The following CHRNA9 variants were observed in gnomAD, a reference collection of about 807,000 sequenced individuals.
CHRNA9 encodes cholinergic receptor nicotinic alpha 9 subunit.
In CHRNA9, 24 loss-of-function variants were observed where a neutral mutation model predicts 36.8. That is an observed-to-expected ratio of 0.65 (90% confidence interval 0.47 to 0.92). The LOEUF (loss-of-function observed/expected upper bound fraction) is 0.92. CHRNA9 is among the 40% of genes least tolerant of loss of function. The probability of loss-of-function intolerance (pLI) is 0.00; values close to 1 mark genes in which losing one functional copy is unlikely to be tolerated. For missense variants in CHRNA9, 610 were observed against 601.2 expected (o/e 1.01, Z -0.15); for synonymous variants, 231 against 231.8 (o/e 1.00, Z 0.03).
intron 3 of CHRNA9, among the ~76,000 whole-genome samples, chr4:40,343,414 G>A (rs1712555118): frequency 6.6e-6 from 1 of 152,194 alleles, no homozygotes; most frequent in Admixed American, 6.5e-5. Flanking sequence ...GAGAGAATGT[G>A]CAGGGGAACT....
chr4:40,343,578 T>C (rs1023731502), intron 3 of CHRNA9, among the ~76,000 whole-genome samples: 2 of 152,128 alleles, frequency 1.3e-5, no homozygotes, highest in Non-Finnish European at 2.9e-5. Context: ...GAGATTTGGG[T>C]GGGGACACAG....
chr4:40,348,796 G>A (rs1376502125), intron 3 of CHRNA9, 86 bp from the exon 4 acceptor site: 4 of 1,337,940 alleles, frequency 3.0e-6, no homozygotes, highest in East Asian at 4.6e-5. Context: ...AAACACTGAA[G>A]TGATGGGGAC....
chr4:40,336,852 A>G (rs1239080242), intron 2 of CHRNA9, among the ~76,000 whole-genome samples: 2 of 152,210 alleles, frequency 1.3e-5, no homozygotes, highest in African/African-American at 4.8e-5. Flanking sequence ...GTTTAATTAC[A>G]CAATGTTATG....
intron 4 of CHRNA9, among the ~76,000 whole-genome samples, chr4:40,352,500 C>T (rs1048856497): frequency 4.6e-5 from 7 of 152,208 alleles, no homozygotes; most frequent in African/African-American, 7.2e-5. Context: ...GCTGGGATTA[C>T]AGGTGTGAGC....
rs763255413 is a variant in CHRNA9 at position 40,337,225 on chromosome 4, A to T, written c.226A>T (p.Ile76Phe). Reference protein sequence around the residue: ...QIKDMDERNQILTAYLWIRQI... With the variant: ...QIKDMDERNQFLTAYLWIRQI... ...CATTGTGTAGGATGAAAGAAACCAA[A>T]TTCTGACTGCTTATTTGTGGATCCG... Residue 76 changes from isoleucine (I) to phenylalanine (F), a missense_variant, in exon 3 of 5, where the codon ATT becomes TTT. Ile to Phe is a conservative substitution (Grantham distance 21). Transcript: ENST00000310169. 5 of 1,614,188 alleles carry T rather than the reference A, an allele frequency of 3.1e-6. No homozygotes were observed. The highest frequency in any genetic ancestry group is 4.2e-6 in the Non-Finnish European group (5 of 1,180,020).
rs148532029 is a variant in CHRNA9 at position 40,354,367 on chromosome 4, G to A, written c.1287G>A (p.Glu429=). ...AQYKVLTRNI[E]YIAKCLKDHK... ...ACAAAGTGCTGACGAGGAATATTGAGTACATCGCCAAGTGCCTCAAAGACC... is the reference window on the plus strand; with the variant it reads ...ACAAAGTGCTGACGAGGAATATTGAATACATCGCCAAGTGCCTCAAAGACC... The change falls in exon 5 of 5, where the codon GAG becomes GAA. Residue 429 remains glutamate (E), a synonymous_variant. Coordinates refer to ENST00000310169, the MANE Select transcript of CHRNA9 (RefSeq NM_017581.4). 8 of 1,614,076 alleles carry A rather than the reference G, an allele frequency of 5.0e-6. No individual in the cohort carries two copies. Among genetic ancestry groups the A allele is most frequent in the Non-Finnish European group, 6.8e-6 (8 of 1,180,042 alleles).
intron 3 of CHRNA9, among the ~76,000 whole-genome samples, chr4:40,338,862 C>G (rs963163952): frequency 4.2e-5 from 5 of 118,764 alleles, no homozygotes; most frequent in South Asian, 3.1e-4. Context: ...GTCTCTCTCT[C>G]TCTCTGTCTC....
intron 3 of CHRNA9, chr4:40,347,659 C>T (rs1437316370): frequency 1.3e-5 from 2 of 152,008 alleles, no homozygotes; most frequent in East Asian, 3.9e-4. Context: ...TACCCTTCAC[C>T]CAGTTTCCCC....
At chr4:40,342,900 C>T (rs553220565) in intron 3 of CHRNA9, among the ~76,000 whole-genome samples, 217 of 151,914 alleles carry the variant, frequency 1.4e-3, no homozygotes, top group African/African-American at 5.0e-3. Context: ...AGGACTCACA[C>T]GACCAGAAGG....
chr4:40,337,235 C>T lies in CHRNA9; in HGVS notation c.236C>T (p.Ala79Val). ...GATGAAAGAAACCAAATTCTGACTG[C>T]TTATTTGTGGATCCGCCAAATCTGG... ...DMDERNQILTAYLWIRQIWHD... is the reference protein window; with the variant it reads ...DMDERNQILTVYLWIRQIWHD... The change falls in exon 3 of 5, where the codon GCT becomes GTT. Residue 79 changes from alanine (A) to valine (V), a missense_variant. Physicochemically the swap from Ala to Val is moderately conservative, Grantham distance 64 (BLOSUM62 0). Coordinates refer to ENST00000310169, the MANE Select transcript of CHRNA9 (RefSeq NM_017581.4). 1 of 1,614,216 alleles carries T rather than the reference C, an allele frequency of 6.2e-7. No individual in the cohort carries two copies. The highest frequency in any genetic ancestry group is 8.5e-7 in the Non-Finnish European group (1 of 1,180,024).
rs1440984656 is a variant in CHRNA9, at chr4:40,349,256, C to T, written c.740C>T (p.Pro247Leu). The T allele has an allele frequency of 6.2e-7, 1 of 1,614,034 alleles. No individual in the cohort carries two copies. Among genetic ancestry groups the T allele is most frequent in the African/African-American group, 1.3e-5 (1 of 74,904 alleles). The change falls in exon 4 of 5, where the codon CCA becomes CTA. Residue 247 changes from proline (P) to leucine (L), a missense_variant. Pro to Leu is a moderately conservative substitution (Grantham distance 98). Coordinates refer to ENST00000310169, the MANE Select transcript of CHRNA9 (RefSeq NM_017581.4). ...TTCTATATCGTCAACCTCCTCATCCCATGCGTCCTCATATCTTTTCTGGCT... is the reference window on the plus strand; with the variant it reads ...TTCTATATCGTCAACCTCCTCATCCTATGCGTCCTCATATCTTTTCTGGCT... ...SSFYIVNLLI[P>L]CVLISFLAPL... is the part of the protein sequence containing the mutation.
At position 40,354,575 on chromosome 4, in the gene CHRNA9, T is replaced by C. The variant is rs1577551734; in HGVS notation, c.*55T>C. ...GAAATTAATACAATTCCCTGTGATC[T>C]ATTCCAATGTTCTTCCAAGATTTTT... On this transcript the variant is annotated 3_prime_UTR_variant, in exon 5 of 5. Coordinates refer to ENST00000310169, the MANE Select transcript of CHRNA9 (RefSeq NM_017581.4). 2.8e-5 allele frequency: 39 copies of C among 1,370,290 alleles called. No homozygotes were observed. The South Asian group carries it at 5.3e-4, about 19-fold the overall frequency. The allele number at this position is 1,370,290 out of a possible 1,614,324, so 84.9% of individuals were successfully genotyped here. A position where few individuals can be genotyped will look rare whatever the true frequency, so the allele number is the denominator to read the frequency against.
At chr4:40,343,800 G>A (rs898151830) in intron 3 of CHRNA9, among the ~76,000 whole-genome samples, 3 of 152,148 alleles carry the variant, frequency 2.0e-5, no homozygotes, top group African/African-American at 7.2e-5. Context: ...AATACATATT[G>A]GCCACTTACT....
chr4:40,349,512 C>T, intron 4 of CHRNA9, 98 bp downstream of exon 4: 1 of 1,190,270 alleles, frequency 8.4e-7, no homozygotes, highest in African/African-American at 1.5e-5. Flanking sequence ...AAAAATGGAG[C>T]CAATTTCGAC....
chr4:40,339,168 A>G (rs1180321950), intron 3 of CHRNA9, among the ~76,000 whole-genome samples: 4 of 150,780 alleles, frequency 2.7e-5, no homozygotes, highest in Non-Finnish European at 5.9e-5. Context: ...AATCCCAGCT[A>G]CTTGGGAGGC....
intron 3 of CHRNA9, among the ~76,000 whole-genome samples, chr4:40,348,566 G>A (rs568189709): frequency 7.2e-5 from 11 of 152,030 alleles, no homozygotes; most frequent in African/African-American, 2.7e-4. Flanking sequence ...TTTTAGTATC[G>A]ACAGGCTTAC....
intron 3 of CHRNA9, among the ~76,000 whole-genome samples, chr4:40,345,242 T>A (rs992506730): frequency 6.6e-6 from 1 of 152,114 alleles, no homozygotes; most frequent in Non-Finnish European, 1.5e-5. Flanking sequence ...AAGATATTGG[T>A]CATGAAGTGA....
chr4:40,341,258 G>C (rs1002709513), intron 3 of CHRNA9, among the ~76,000 whole-genome samples: 2 of 143,512 alleles, frequency 1.4e-5, no homozygotes, highest in Non-Finnish European at 1.5e-5. Flanking sequence ...CATTATGGCA[G>C]GGTTTTCATG....
intron 3 of CHRNA9, 73 bp from the exon 4 acceptor site, chr4:40,348,809 T>G: frequency 1.1e-4 from 159 of 1,446,544 alleles, no homozygotes; most frequent in Non-Finnish European, 1.4e-4. Flanking sequence ...ATGGGGACAG[T>G]GAGCTGTCTG....
Sources: gnomAD v4.1 joint callset for allele counts (sites outside exome capture counted in the v4.1 genomes callset) on GRCh38, gnomAD v4.1.1 for gene constraint, MANE v1.5 for transcripts, NCBI Gene and HGNC (gene_info 2026-07-23, HGNC 2026-07-21) for gene names.